Variants in RGS6 observed in about 807,000 individuals in gnomAD.
RGS6 encodes regulator of G-protein signaling 6.
RGS6 carries 30 observed loss-of-function variants against 78.5 expected under a neutral mutation model. That is an observed-to-expected ratio of 0.38 (90% confidence interval 0.29 to 0.52). RGS6 has a LOEUF of 0.52. Among genes scored for constraint, RGS6 ranks in the 20% least tolerant of loss-of-function variants. RGS6 has a pLI of 0.85. For missense variants in RGS6, 495 were observed against 609.7 expected (o/e 0.81, Z 1.98); for synonymous variants, 206 against 206.0 (o/e 1.00, Z 0.00).
At chr14:72,557,702 A>G (rs954353722) in intron 17 of RGS6, among the ~76,000 whole-genome samples, 3 of 152,236 alleles carry the variant, frequency 2.0e-5, no homozygotes, top group Non-Finnish European at 4.4e-5. Context: ...GCTAAGTTGC[A>G]TGGTGAGCTG....
At position 72,495,216 on chromosome 14, in the gene RGS6, A is replaced by C. The variant is rs2096628749; in HGVS notation, c.919A>C (p.Asn307His). ...TTTGATAACACCAGCTGAGCCATCC[A>C]ACCCTTGGATCAGCGATGACGTTGC... ...DPLITPAEPSNPWISDDVALW... is the reference protein window; with the variant it reads ...DPLITPAEPSHPWISDDVALW... The change falls in exon 13 of 18, where the codon AAC becomes CAC. Residue 307 changes from asparagine to histidine, a missense_variant. Asn to His is a moderately conservative substitution (Grantham distance 68). Transcript: ENST00000553525. 1 of 1,613,688 alleles carries C rather than the reference A, an allele frequency of 6.2e-7. No individual in the cohort carries two copies. The highest frequency in any genetic ancestry group is 1.1e-5 in the South Asian group (1 of 91,072).
At chr14:72,534,216 G>C (rs965338176) in intron 15 of RGS6, among the ~76,000 whole-genome samples, 1 of 152,138 alleles carries the variant, frequency 6.6e-6, no homozygotes, top group Non-Finnish European at 1.5e-5. Flanking sequence ...ACTCACCAAA[G>C]GCTCAGATGA....
chr14:72,269,167 A>G (rs1447405292), intron 2 of RGS6, among the ~76,000 whole-genome samples: 1 of 151,720 alleles, frequency 6.6e-6, no homozygotes, highest in Non-Finnish European at 1.5e-5. Context: ...CCAAGCCTCC[A>G]TCATCTCTCT....
chr14:71,972,733 G>A (rs1467496389), intron 2 of RGS6, among the ~76,000 whole-genome samples: 2 of 152,100 alleles, frequency 1.3e-5, no homozygotes, highest in Non-Finnish European at 2.9e-5. Context: ...TCCAGGTGAG[G>A]AAAAATGATG....
chr14:72,342,426 C>G (rs972301091), intron 2 of RGS6, among the ~76,000 whole-genome samples: 6 of 151,912 alleles, frequency 3.9e-5, no homozygotes, highest in Non-Finnish European at 5.9e-5. Context: ...CTTAGTCGGG[C>G]ATGGTGGCAC....
At chr14:72,495,045 C>T in intron 12 of RGS6, 107 bp from the exon 13 acceptor site, 2 of 704,416 alleles carry the variant, frequency 2.8e-6, no homozygotes, top group South Asian at 1.7e-5. Flanking sequence ...AAATTTTTTC[C>T]TTTAATTTAG....
intron 2 of RGS6, among the ~76,000 whole-genome samples, chr14:72,238,620 A>G (rs847269): frequency 0.34 from 51,223 of 151,832 alleles, 9,451 homozygotes; most frequent in South Asian, 0.44. Context: ...GTATATATTG[A>G]GGTGAGGGGA....
chr14:72,145,400 CA>C (rs1307122852), intron 2 of RGS6, among the ~76,000 whole-genome samples: 3 of 152,100 alleles, frequency 2.0e-5, no homozygotes, highest in Non-Finnish European at 2.9e-5. Flanking sequence ...CAAGAATGAA[CA>C]AGGACAGCTT....
At chr14:72,271,608 A>C (rs1356658199) in intron 2 of RGS6, among the ~76,000 whole-genome samples, 1 of 152,236 alleles carries the variant, frequency 6.6e-6, no homozygotes, top group Admixed American at 6.5e-5. Context: ...ACAGCATTTT[A>C]ACCTGCGATG....
At chr14:72,210,962 A>G (rs2043983943) in intron 2 of RGS6, among the ~76,000 whole-genome samples, 1 of 152,244 alleles carries the variant, frequency 6.6e-6, no homozygotes, top group Non-Finnish European at 1.5e-5. Flanking sequence ...TCAATAAAAA[A>G]TGGCCAATGT....
intron 2 of RGS6, among the ~76,000 whole-genome samples, chr14:72,213,400 G>A (rs753249042): frequency 1.3e-5 from 2 of 152,072 alleles, no homozygotes. Context: ...CACCTATGAC[G>A]AGGCCAGACA....
chr14:72,186,032 A>G (rs1020270216), intron 2 of RGS6, among the ~76,000 whole-genome samples: 12 of 152,236 alleles, frequency 7.9e-5, no homozygotes, highest in African/African-American at 2.9e-4. Context: ...ATTCTCTTCT[A>G]TGTAAATGGA....
intron 3 of RGS6, among the ~76,000 whole-genome samples, chr14:72,377,856 T>G (rs2085155687): frequency 6.6e-6 from 1 of 152,180 alleles, no homozygotes; most frequent in Non-Finnish European, 1.5e-5. Context: ...TGCACACCTG[T>G]GGTCCCAGCT....
At chr14:71,892,744 G>A in the RGS6 span, among the ~76,000 whole-genome samples, 7 of 152,182 alleles carry the variant, frequency 4.6e-5, no homozygotes, top group South Asian at 2.1e-4. Flanking sequence ...ATGATGAATC[G>A]TTTCTTAAAA....
chr14:72,606,064 C>G, the RGS6 span, among the ~76,000 whole-genome samples: 2 of 151,948 alleles, frequency 1.3e-5, no homozygotes, highest in African/African-American at 2.4e-5. Context: ...CAAATCACTC[C>G]CAGAATCCTA....
chr14:72,043,965 CCT>C (rs754738714), intron 2 of RGS6, among the ~76,000 whole-genome samples: 11 of 152,162 alleles, frequency 7.2e-5, no homozygotes, highest in Non-Finnish European at 1.0e-4. Context: ...TCCTCCTCCT[CCT>C]CTCTTTTTCT....
chr14:72,562,148 T>C (rs2097684664), intron 17 of RGS6, among the ~76,000 whole-genome samples: 1 of 152,110 alleles, frequency 6.6e-6, no homozygotes, highest in African/African-American at 2.4e-5. Context: ...TAAGTAAAAT[T>C]CCCATACCAC....
At chr14:72,500,055 A>G (rs2096703428) in intron 13 of RGS6, among the ~76,000 whole-genome samples, 2 of 152,254 alleles carry the variant, frequency 1.3e-5, no homozygotes, top group South Asian at 4.1e-4. Flanking sequence ...CAATGATAAA[A>G]TGAACTTCCT....
At chr14:72,429,177 G>T (rs943979386) in intron 3 of RGS6, among the ~76,000 whole-genome samples, 3 of 152,204 alleles carry the variant, frequency 2.0e-5, no homozygotes, top group Non-Finnish European at 4.4e-5. Context: ...ACTCAAGCCT[G>T]GGTGGCAGAG....
Sources: gnomAD v4.1 joint callset for allele counts (sites outside exome capture counted in the v4.1 genomes callset) on GRCh38, gnomAD v4.1.1 for gene constraint, MANE v1.5 for transcripts, NCBI Gene and HGNC (gene_info 2026-07-23, HGNC 2026-07-21) for gene names.